RPGRIP1L: variants seen among roughly 807,000 people sequenced by gnomAD.
The protein encoded by RPGRIP1L is protein fantom.
RPGRIP1L carries 131 observed loss-of-function variants against 160.4 expected under a neutral mutation model. The observed-to-expected ratio is 0.82, with a 90% CI of 0.71 to 0.94. RPGRIP1L has a LOEUF of 0.94. RPGRIP1L is among the 40% of genes least tolerant of loss of function. The pLI is 0.00. For missense variants in RPGRIP1L, 1,522 were observed against 1,535.8 expected, an observed-to-expected ratio of 0.99 and a Z score of 0.15; for synonymous variants, 510 against 515.8, an observed-to-expected ratio of 0.99 and a Z score of 0.15.
intron 6 of RPGRIP1L, among the ~76,000 whole-genome samples, chr16:53,676,062 G>T (rs1297975479): frequency 1.3e-5 from 2 of 152,046 alleles, no homozygotes; most frequent in Non-Finnish European, 2.9e-5. Flanking sequence ...CTTATCTAGT[G>T]TACACATATT....
rs139974543 is a variant in RPGRIP1L, at chr16:53,619,093, G to C, written c.3548C>G (p.Ala1183Gly). 18,470 of 1,613,978 alleles carry C rather than the reference G, an allele frequency of 0.011. 123 individuals are homozygous for C. The highest frequency in any genetic ancestry group is 0.014 in the Non-Finnish European group (16,220 of 1,179,878). Residue 1183 changes from alanine (A) to glycine (G), a missense_variant, in exon 24 of 27, where the codon GCT becomes GGT. Transcript: ENST00000647211. ...TGGAAGTGACACGGGTGTCTCTTCA[G>C]CAGGAAGACTGTAGAATCGACACTC... ...FVECRFYSLPAEETPVSLPKP... is the reference protein window; with the variant it reads ...FVECRFYSLPGEETPVSLPKP...
chr16:53,624,722 G>T (rs1236200597), intron 22 of RPGRIP1L, among the ~76,000 whole-genome samples: 1 of 152,026 alleles, frequency 6.6e-6, no homozygotes, highest in Non-Finnish European at 1.5e-5. Context: ...CTGCATGTTT[G>T]AAATTTTTCA....
chr16:53,613,064 A>G (rs765703926), intron 24 of RPGRIP1L, among the ~76,000 whole-genome samples: 4 of 152,234 alleles, frequency 2.6e-5, no homozygotes, highest in Admixed American at 6.5e-5. Flanking sequence ...AGATTCATAC[A>G]TCTTGTAGCA....
At chr16:53,675,538 T>C (rs1411725787) in intron 6 of RPGRIP1L, among the ~76,000 whole-genome samples, 1 of 152,146 alleles carries the variant, frequency 6.6e-6, no homozygotes, top group East Asian at 1.9e-4. Flanking sequence ...AAATGAAAAA[T>C]ATGCAATACA....
intron 15 of RPGRIP1L, among the ~76,000 whole-genome samples, chr16:53,651,919 T>A (rs1390924338): frequency 6.6e-6 from 1 of 151,516 alleles, no homozygotes. Flanking sequence ...CATAAATAAT[T>A]TAAACTATTA....
chr16:53,689,542 C>T (rs574441932), intron 4 of RPGRIP1L, among the ~76,000 whole-genome samples: 1 of 152,306 alleles, frequency 6.6e-6, no homozygotes, highest in African/African-American at 2.4e-5. Context: ...ATTGATCACA[C>T]ATTTAGCCAG....
chr16:53,648,931 T>C (rs1468030432), intron 16 of RPGRIP1L, 33 bp downstream of exon 16: 1 of 1,588,086 alleles, frequency 6.3e-7, no homozygotes, highest in Non-Finnish European at 8.6e-7. Context: ...AATTTCTATG[T>C]CATAAAAGGG....
At chr16:53,641,505 C>A in intron 17 of RPGRIP1L, 30 bp from the exon 18 acceptor site, 1 of 1,578,252 alleles carries the variant, frequency 6.3e-7, no homozygotes, top group Non-Finnish European at 8.7e-7. Context: ...TTAATTAATG[C>A]TAGAGTGAAG....
intron 23 of RPGRIP1L, among the ~76,000 whole-genome samples, chr16:53,621,668 C>T (rs1025023267): frequency 2.0e-5 from 3 of 152,186 alleles, no homozygotes; most frequent in Admixed American, 6.5e-5. Flanking sequence ...ACAAATGATG[C>T]TAGACAATTT....
intron 9 of RPGRIP1L, among the ~76,000 whole-genome samples, chr16:53,670,998 G>A (rs965714241): frequency 1.3e-5 from 2 of 152,158 alleles, no homozygotes; most frequent in South Asian, 4.1e-4. Flanking sequence ...TCAGGCTGCT[G>A]AGGTGGGAGG....
chr16:53,697,913 T>C (rs929766408), intron 2 of RPGRIP1L, among the ~76,000 whole-genome samples: 4 of 146,368 alleles, frequency 2.7e-5, no homozygotes, highest in Non-Finnish European at 4.5e-5. Flanking sequence ...ATCTAGGAAG[T>C]GAGGAGCGCC....
intron 9 of RPGRIP1L, among the ~76,000 whole-genome samples, chr16:53,666,604 A>AT (rs1361034833): frequency 6.9e-6 from 1 of 145,494 alleles, no homozygotes; most frequent in Non-Finnish European, 1.5e-5. Context: ...ATATATATAT[A>AT]TATGTATGTA....
At position 53,645,937 on chromosome 16, in the gene RPGRIP1L, C is replaced by G. The variant is rs965099713; in HGVS notation, c.2371G>C (p.Glu791Gln). 6.2e-7 allele frequency: 1 copy of G among 1,614,038 alleles called. No individual in the cohort carries two copies. The highest frequency in any genetic ancestry group is 1.3e-5 in the African/African-American group (1 of 75,018). The change falls in exon 17 of 27, where the codon GAA (glutamate) becomes CAA (glutamine). Residue 791 changes from glutamate to glutamine, a missense_variant. Glu to Gln is a conservative substitution (Grantham distance 29). Transcript: ENST00000647211. ...CAACATCTTATTGTAATGTGAAGTTCATTTAAGTTGCCATCTGTGGAATCT... is the reference window on the plus strand; with the variant it reads ...CAACATCTTATTGTAATGTGAAGTTGATTTAAGTTGCCATCTGTGGAATCT... ...STDSTDGNLN[E>Q]LHITIRCCNH...
intron 4 of RPGRIP1L, among the ~76,000 whole-genome samples, chr16:53,690,679 C>A (rs1049373792): frequency 2.0e-5 from 3 of 152,048 alleles, no homozygotes; most frequent in Non-Finnish European, 4.4e-5. Flanking sequence ...ATCATCTTGC[C>A]CAGTTCCAGT....
intron 3 of RPGRIP1L, among the ~76,000 whole-genome samples, chr16:53,693,101 G>A (rs1025722124): frequency 1.3e-5 from 2 of 152,184 alleles, no homozygotes; most frequent in African/African-American, 4.8e-5. Flanking sequence ...AAGGGCACAT[G>A]GGGGTGATGT....
At position 53,618,598 on chromosome 16, in the gene RPGRIP1L, C is replaced by T. The variant is rs145991827; in HGVS notation, c.3616+427G>A. Among the ~76,000 whole-genome samples the T allele has an allele frequency of 1.8e-3, 278 of 152,278 alleles. 1 individual carries two copies. The highest frequency in any genetic ancestry group is 6.3e-3 in the African/African-American group (260 of 41,562). On this transcript the variant is annotated intron_variant, in intron 24 of 26. Coordinates refer to ENST00000647211, the MANE Select transcript of RPGRIP1L (RefSeq NM_015272.5). ...TCACTTTGCCACTCAAGCAAGAGTGCGGTGGCAAGATCAGAGCTCACTGCA... is the reference window on the plus strand; with the variant it reads ...TCACTTTGCCACTCAAGCAAGAGTGTGGTGGCAAGATCAGAGCTCACTGCA...
chr16:53,661,906 T>C (rs1018023130), intron 10 of RPGRIP1L, among the ~76,000 whole-genome samples: 1 of 152,200 alleles, frequency 6.6e-6, no homozygotes, highest in African/African-American at 2.4e-5. Context: ...CTGAATTTTA[T>C]TTAGAATTAT....
Position 53,611,048 on chromosome 16 carries a change from A to G in RPGRIP1L, c.3620T>C (p.Ile1207Thr). 1 of 1,609,734 alleles carries G rather than the reference A, an allele frequency of 6.2e-7. No homozygotes were observed. The highest frequency in any genetic ancestry group is 8.5e-7 in the Non-Finnish European group (1 of 1,176,522). ...TTTGTTGTTTTCTTTATCCACGTAG[A>G]TCACTATACCAAAAGAAAAAAAAAT... ...QWVYYNYSNV[I>T]YVDKENNKAK... Residue 1207 changes from isoleucine (I) to threonine (T), a missense_variant, in exon 25 of 27, where the codon ATC (isoleucine) becomes ACC (threonine). Ile to Thr is a moderately conservative substitution (Grantham distance 89). Transcript: ENST00000647211.
intron 22 of RPGRIP1L, among the ~76,000 whole-genome samples, chr16:53,626,754 G>T (rs908321824): frequency 4.1e-5 from 6 of 148,058 alleles, no homozygotes; most frequent in African/African-American, 1.5e-4. Flanking sequence ...TCAGTGAGGT[G>T]AGACTGCACT....
Sources: gnomAD v4.1 joint callset for allele counts (sites outside exome capture counted in the v4.1 genomes callset) on GRCh38, gnomAD v4.1.1 for gene constraint, MANE v1.5 for transcripts, NCBI Gene and HGNC (gene_info 2026-07-23, HGNC 2026-07-21) for gene names.